Variants in NRG4 observed in about 807,000 individuals in gnomAD.
NRG4 encodes neuregulin 4.
Under a neutral mutation model 15.0 loss-of-function variants are expected in NRG4, and 10 were observed. The observed-to-expected ratio is 0.67, with a 90% CI of 0.41 to 1.13. NRG4 has a LOEUF of 1.13. NRG4 is among the 50% of genes most tolerant of loss of function. The pLI, the probability that NRG4 is intolerant of heterozygous loss-of-function variation, is 0.00. For missense variants in NRG4, 139 were observed against 140.2 expected (o/e 0.99, Z 0.04); for synonymous variants, 41 against 50.1 (o/e 0.82, Z 0.77).
At chr15:75,964,328 AC>A (rs2032684595) in intron 3 of NRG4, among the ~76,000 whole-genome samples, 3 of 151,596 alleles carry the variant, frequency 2.0e-5, no homozygotes, top group Non-Finnish European at 2.9e-5. Context: ...ATAAAATAAA[AC>A]CCTTCTATCA....
intron 4 of NRG4, among the ~76,000 whole-genome samples, chr15:76,038,298 A>G (rs145044011): frequency 1.3e-5 from 2 of 152,052 alleles, no homozygotes; most frequent in South Asian, 2.1e-4. Flanking sequence ...TATAGCACCA[A>G]TCAAGCTCTT....
chr15:75,967,383 A>G lies in NRG4; in HGVS notation c.105-5409T>C, dbSNP rs189576242. On this transcript the variant is annotated intron_variant, in intron 3 of 5. Transcript: ENST00000394907. Reference sequence around the variant, plus strand: ...GTCACATTTATATGACATTAGCACCATTAAAAACTGATCATTATTAGTACA... The same window carrying G: ...GTCACATTTATATGACATTAGCACCGTTAAAAACTGATCATTATTAGTACA... Among the ~76,000 whole-genome samples, 84 of 152,000 alleles carry G rather than the reference A, an allele frequency of 5.5e-4. 1 individual carries two copies. In the East Asian group the frequency reaches 9.5e-3, roughly 17 times the overall value.
intron 5 of NRG4, among the ~76,000 whole-genome samples, chr15:76,019,248 T>A (rs2035077795): frequency 6.6e-6 from 1 of 152,074 alleles, no homozygotes; most frequent in African/African-American, 2.4e-5. Flanking sequence ...TTCAAGCCAG[T>A]GGATTTTAGC....
intron 4 of NRG4, among the ~76,000 whole-genome samples, chr15:76,051,712 C>G (rs1043310620): frequency 3.3e-5 from 5 of 150,038 alleles, no homozygotes; most frequent in Non-Finnish European, 1.5e-5. Context: ...CACAGGCGCC[C>G]GCCACCACGC....
At chr15:76,029,356 A>G (rs562384415) in intron 5 of NRG4, among the ~76,000 whole-genome samples, 3 of 152,268 alleles carry the variant, frequency 2.0e-5, no homozygotes, top group African/African-American at 7.2e-5. Flanking sequence ...TACCAGATGG[A>G]CTGGAAGAAG....
intron 3 of NRG4, among the ~76,000 whole-genome samples, chr15:75,976,267 T>C (rs2033362376): frequency 2.0e-5 from 3 of 152,204 alleles, no homozygotes; most frequent in African/African-American, 4.8e-5. Context: ...AGCTTCCTTG[T>C]ATTGGGTTAG....
chr15:75,963,299 C>T (rs549737691), intron 3 of NRG4, among the ~76,000 whole-genome samples: 1 of 152,098 alleles, frequency 6.6e-6, no homozygotes, highest in South Asian at 2.1e-4. Flanking sequence ...ATTAAGGGGA[C>T]ATAGGGAAAG....
intron 3 of NRG4, among the ~76,000 whole-genome samples, chr15:76,002,601 C>T (rs2034452945): frequency 6.6e-6 from 1 of 152,132 alleles, no homozygotes; most frequent in Admixed American, 6.5e-5. Context: ...GTTTATTAAA[C>T]ATACACTTTA....
chr15:76,004,399 G>A (rs554694809), intron 3 of NRG4, among the ~76,000 whole-genome samples: 1 of 152,024 alleles, frequency 6.6e-6, no homozygotes, highest in South Asian at 2.1e-4. Flanking sequence ...TCAGGAGTTC[G>A]AGACCAGCCT....
chr15:76,017,465 G>A, intron 5 of NRG4, among the ~76,000 whole-genome samples: 1 of 152,020 alleles, frequency 6.6e-6, no homozygotes, highest in Non-Finnish European at 1.5e-5. Flanking sequence ...TTTTGCAGTG[G>A]CTGTACCAGT....
intron 5 of NRG4, among the ~76,000 whole-genome samples, chr15:76,019,246 A>G (rs1337809083): frequency 1.3e-5 from 2 of 152,050 alleles, no homozygotes; most frequent in Admixed American, 6.5e-5. Context: ...ATTTCAAGCC[A>G]GTGGATTTTA....
intron 5 of NRG4, among the ~76,000 whole-genome samples, chr15:76,021,602 C>T (rs915903112): frequency 2.0e-5 from 3 of 152,124 alleles, no homozygotes; most frequent in South Asian, 2.1e-4. Flanking sequence ...GAAACAAAAT[C>T]AGTATCTTTT....
At chr15:76,059,061 T>C (rs1165365822) in intron 1 of NRG4, among the ~76,000 whole-genome samples, 1 of 152,154 alleles carries the variant, frequency 6.6e-6, no homozygotes, top group Non-Finnish European at 1.5e-5. Context: ...TTACTTTTTA[T>C]GCATCAAGCA....
intron 3 of NRG4, among the ~76,000 whole-genome samples, chr15:75,967,225 C>T (rs2032842957): frequency 6.6e-6 from 1 of 150,872 alleles, no homozygotes; most frequent in Admixed American, 6.6e-5. Context: ...TGAGAGAAGA[C>T]TAGCTTGTGA....
chr15:75,936,971 T>C (rs938219927), downstream of NRG4: 2 of 152,166 alleles, frequency 1.3e-5, no homozygotes, highest in Non-Finnish European at 2.9e-5. Context: ...TAGAAGAAAT[T>C]GAAAGAAAAT....
At chr15:76,059,882 C>G (rs866027622), upstream of NRG4, 4 of 144,846 alleles carry the variant, frequency 2.8e-5, no homozygotes, top group South Asian at 2.1e-4. Flanking sequence ...CGCGCGCCCC[C>G]GAGCGCGGTG....
intron 3 of NRG4, among the ~76,000 whole-genome samples, chr15:75,965,006 A>T (rs1057465584): frequency 3.3e-5 from 5 of 152,136 alleles, no homozygotes; most frequent in Admixed American, 3.3e-4. Context: ...CGGGTGGATC[A>T]TGAGGTCAGG....
chr15:75,970,668 T>A (rs2033050256), intron 3 of NRG4, among the ~76,000 whole-genome samples: 2 of 152,222 alleles, frequency 1.3e-5, no homozygotes, highest in Non-Finnish European at 2.9e-5. Flanking sequence ...GAGTCCCACC[T>A]CCACACTGTG....
chr15:76,019,223 G>A (rs1320975694), intron 5 of NRG4, among the ~76,000 whole-genome samples: 1 of 152,172 alleles, frequency 6.6e-6, no homozygotes, highest in Non-Finnish European at 1.5e-5. Context: ...AGACTGCTGT[G>A]CTGGCAGCGA....
Sources: gnomAD v4.1 joint callset for allele counts (sites outside exome capture counted in the v4.1 genomes callset) on GRCh38, gnomAD v4.1.1 for gene constraint, MANE v1.5 for transcripts, NCBI Gene and HGNC (gene_info 2026-07-23, HGNC 2026-07-21) for gene names.